The following C11orf65 variants were observed in gnomAD, a reference collection of about 807,000 sequenced individuals.
The protein encoded by C11orf65 is protein MFI.
In C11orf65, 38 loss-of-function variants were observed where a neutral mutation model predicts 35.3. That is an observed-to-expected ratio of 1.08 (90% CI 0.83 to 1.41). C11orf65 has a LOEUF of 1.41. Among genes scored for constraint, C11orf65 ranks in the 40% most tolerant of loss-of-function variants. C11orf65 has a pLI of 0.00. For missense variants in C11orf65, 370 were observed against 367.1 expected (o/e 1.01, Z -0.06); for synonymous variants, 105 against 114.4 (o/e 0.92, Z 0.53).
Position 108,343,377 on chromosome 11 carries a change from T to C in C11orf65, c.227-8085A>G, listed in dbSNP as rs1555135928. ...AGTGCCAAAAGAAAATGATGGTGAG[T>C]GACACCCAAAATTAAAGGTTATTGT... On this transcript the variant is annotated intron_variant, in intron 2 of 3. Coordinates refer to the C11orf65 transcript ENST00000524755. 3 of 1,613,744 alleles carry C rather than the reference T, an allele frequency of 1.9e-6. No homozygotes were observed. The highest frequency in any genetic ancestry group is 2.7e-5 in the African/African-American group (2 of 75,010).
intron 7 of C11orf65, among the ~76,000 whole-genome samples, chr11:108,391,919 C>T (rs2092170882): frequency 1.3e-5 from 2 of 152,030 alleles, no homozygotes; most frequent in Non-Finnish European, 2.9e-5. Context: ...AACTTAATTT[C>T]TTTCTTTTTT....
chr11:108,397,340 T>C (rs367984871), intron 6 of C11orf65, among the ~76,000 whole-genome samples: 1 of 148,838 alleles, frequency 6.7e-6, no homozygotes, highest in African/African-American at 2.5e-5. Flanking sequence ...AAAAAAGACA[T>C]AAAATTTGTC....
intron 2 of C11orf65, among the ~76,000 whole-genome samples, chr11:108,448,667 C>A: frequency 6.6e-6 from 1 of 152,168 alleles, no homozygotes; most frequent in Non-Finnish European, 1.5e-5. Context: ...GACAATCCCA[C>A]AGCCAATATC....
chr11:108,359,680 C>A (rs1443661187), intron 2 of C11orf65, among the ~76,000 whole-genome samples: 7 of 152,134 alleles, frequency 4.6e-5, no homozygotes, highest in African/African-American at 1.7e-4. Flanking sequence ...ACCAAACAAC[C>A]TGCTCCTGAA....
chr11:108,461,662 C>A, intron 1 of C11orf65, 94 bp from the exon 2 acceptor site: 1 of 836,004 alleles, frequency 1.2e-6, no homozygotes, highest in South Asian at 1.9e-5. Context: ...CATTCTTGCT[C>A]TGTCACCCAA....
intron 2 of C11orf65, chr11:108,367,144 C>T (rs746849580): frequency 5.0e-5 from 9 of 178,490 alleles, no homozygotes; most frequent in African/African-American, 1.2e-4. Context: ...TGTGCCAACA[C>T]GCCCGGCTAA....
At chr11:108,368,301 AAAAAGGTT>A in intron 2 of C11orf65, 1 of 213,464 alleles carries the variant, frequency 4.7e-6, no homozygotes, top group Non-Finnish European at 9.5e-6. Flanking sequence ...AAAAAAAAAA[AAAAAGGTT>A]TTGGCAAGCT....
At chr11:108,315,971 GT>G (rs771903616) in intron 6 of C11orf65, 2 of 1,609,858 alleles carry the variant, frequency 1.2e-6, no homozygotes, top group South Asian at 2.2e-5. Context: ...AGTTATGTGT[GT>G]GTAAAACCCA....
At chr11:108,384,786 A>AAAAC (rs777533993) in intron 8 of C11orf65, among the ~76,000 whole-genome samples, 15 of 152,048 alleles carry the variant, frequency 9.9e-5, no homozygotes, top group East Asian at 3.9e-4. Flanking sequence ...AACAAAAACA[A>AAAAC]AAACAAACAA....
chr11:108,333,329 T>C (rs2086483628), intron 3 of C11orf65, among the ~76,000 whole-genome samples: 1 of 152,250 alleles, frequency 6.6e-6, no homozygotes. Context: ...TTAATTATTA[T>C]TCTTGCTGTG....
Position 108,333,904 on chromosome 11 carries a change from C to T in C11orf65, c.299+1316G>A, listed in dbSNP as rs876660877. 1.9e-6 allele frequency: 3 copies of T among 1,609,840 alleles called. No individual in the cohort carries two copies. Among genetic ancestry groups the T allele is most frequent in the Admixed American group, 1.7e-5 (1 of 59,984 alleles). On this transcript the variant is annotated intron_variant, in intron 3 of 3. Transcript: ENST00000524755. Reference sequence around the variant, plus strand: ...AATACAGAAGGCATAAATATTCCAGCAGACCAGCCAATTACTAAACTTAAG... The same window carrying T: ...AATACAGAAGGCATAAATATTCCAGTAGACCAGCCAATTACTAAACTTAAG...
intron 2 of C11orf65, among the ~76,000 whole-genome samples, chr11:108,350,697 T>G (rs1283609888): frequency 6.6e-6 from 1 of 152,174 alleles, no homozygotes; most frequent in Non-Finnish European, 1.5e-5. Context: ...AGGGATTTGT[T>G]AGAGCTAGAA....
intron 2 of C11orf65, among the ~76,000 whole-genome samples, chr11:108,442,772 T>C (rs2093177940): frequency 1.3e-5 from 2 of 152,104 alleles, no homozygotes; most frequent in Admixed American, 6.5e-5. Flanking sequence ...GACAAGCAAA[T>C]GCTGAGAGAT....
At chr11:108,433,394 C>G (rs2093019690) in intron 2 of C11orf65, among the ~76,000 whole-genome samples, 2 of 151,704 alleles carry the variant, frequency 1.3e-5, no homozygotes, top group Admixed American at 6.6e-5. Context: ...CCGGCTAACA[C>G]AGTGAAACCC....
intron 2 of C11orf65, among the ~76,000 whole-genome samples, chr11:108,439,565 T>C (rs1023573547): frequency 3.9e-5 from 6 of 152,192 alleles, no homozygotes; most frequent in Non-Finnish European, 8.8e-5. Flanking sequence ...AAAGTGGAAA[T>C]AGCCCAAATG....
chr11:108,365,739 C>T (rs761745363), intron 2 of C11orf65: 18 of 585,276 alleles, frequency 3.1e-5, no homozygotes, highest in South Asian at 1.2e-4. Context: ...TCGGGCTGGG[C>T]GCAGCGGCTC....
At chr11:108,459,320 A>G (rs529728365) in intron 2 of C11orf65, among the ~76,000 whole-genome samples, 21 of 152,128 alleles carry the variant, frequency 1.4e-4, no homozygotes, top group Admixed American at 9.2e-4. Context: ...GTATCTGTCT[A>G]CAAGCAGATT....
Position 108,393,475 on chromosome 11 carries a change from C to G in C11orf65, c.561-97G>C, listed in dbSNP as rs1045297091. The G allele has an allele frequency of 7.0e-6, 8 of 1,141,474 alleles. No homozygotes were observed. In the African/African-American group the frequency reaches 1.1e-4, roughly 16 times the overall value. 70.7% of individuals were successfully genotyped at this position (1,141,474 alleles called of 1,614,324 possible). On this transcript the variant is annotated intron_variant, in intron 6 of 8. Transcript: ENST00000393084. ...TATTGTTGCTATTTACATATTAAAA[C>G]TATTTGCATATTGAATAAAGTTTTC... is the stretch of plus-strand genomic sequence containing the variant.
intron 2 of C11orf65, chr11:108,343,492 TACTA>T: frequency 8.2e-7 from 1 of 1,226,506 alleles, no homozygotes; most frequent in Non-Finnish European, 1.1e-6. Flanking sequence ...TTGTCAAAGA[TACTA>T]AGTAAAAGAA....
Sources: allele counts gnomAD v4.1 joint callset (sites outside exome capture counted in the v4.1 genomes callset), GRCh38; gene constraint gnomAD v4.1.1; transcripts MANE v1.5; gene names NCBI Gene and HGNC (gene_info 2026-07-23, HGNC 2026-07-21).